CACNA2D2: variants seen among roughly 807,000 people sequenced by gnomAD.
CACNA2D2 encodes the protein calcium voltage-gated channel auxiliary subunit alpha2delta 2.
Under a neutral mutation model 166.4 loss-of-function variants are expected in CACNA2D2, and 48 were observed. The observed-to-expected ratio is 0.29, with a 90% CI of 0.23 to 0.37. The LOEUF is 0.37. Among genes scored for constraint, CACNA2D2 ranks in the 10% least tolerant of loss-of-function variants. The probability of loss-of-function intolerance (pLI) is 1.00; values close to 1 mark genes in which losing one functional copy is unlikely to be tolerated. For missense variants in CACNA2D2, 1,122 were observed against 1,433.0 expected (o/e 0.78, Z 3.50); for synonymous variants, 561 against 573.7 (o/e 0.98, Z 0.32).
intron 5 of CACNA2D2, among the ~76,000 whole-genome samples, chr3:50,384,980 A>G (rs893888036): frequency 2.0e-5 from 3 of 152,232 alleles, no homozygotes; most frequent in Admixed American, 2.0e-4. Context: ...GCCTGGTAGC[A>G]GTAGGACTGA....
intron 1 of CACNA2D2, among the ~76,000 whole-genome samples, chr3:50,482,085 G>T (rs375689738): frequency 1.2e-4 from 18 of 152,190 alleles, no homozygotes; most frequent in African/African-American, 4.3e-4. Flanking sequence ...CAGCACCTCT[G>T]CAGTCTTCTG....
intron 3 of CACNA2D2, among the ~76,000 whole-genome samples, chr3:50,401,847 C>T (rs1162655847): frequency 6.6e-6 from 1 of 152,008 alleles, no homozygotes; most frequent in East Asian, 1.9e-4. Context: ...TAGCTACAGG[C>T]GCCCACCACC....
At chr3:50,422,309 G>A (rs1290145352) in intron 3 of CACNA2D2, among the ~76,000 whole-genome samples, 3 of 152,068 alleles carry the variant, frequency 2.0e-5, no homozygotes, top group Non-Finnish European at 2.9e-5. Flanking sequence ...GCTGGAGGCC[G>A]CCCTGGATTC....
intron 4 of CACNA2D2, among the ~76,000 whole-genome samples, chr3:50,391,449 T>A (rs891268281): frequency 9.2e-5 from 14 of 152,202 alleles, no homozygotes; most frequent in Non-Finnish European, 1.5e-5. Flanking sequence ...CCCCTCTTCA[T>A]CTATCCTAAG....
chr3:50,500,415 G>GGGCACAGAGGCCC (rs1366000676), intron 1 of CACNA2D2, among the ~76,000 whole-genome samples: 2 of 152,158 alleles, frequency 1.3e-5, no homozygotes, highest in African/African-American at 4.8e-5. Flanking sequence ...CTGGAGAACA[G>GGGCACAGAGGCCC]GGCACAGAGG....
chr3:50,368,223 C>T lies in CACNA2D2; in HGVS notation c.2058G>A (p.Lys686=). 1 of 1,610,510 alleles carries T rather than the reference C, an allele frequency of 6.2e-7. No individual in the cohort carries two copies. Among genetic ancestry groups the T allele is most frequent in the Non-Finnish European group, 8.5e-7 (1 of 1,176,814 alleles). The part of the protein sequence containing the change: ...HVFIAPREYC[K]DLNASDNNTE... ...TGTTGTTGTCTGAGGCATTCAGGTC[C>T]TTGCAGTACTCTCTAGGGATGGGGA... The change falls in exon 24 of 38, where the codon AAG becomes AAA. Residue 686 remains lysine (K), a synonymous_variant. Coordinates refer to ENST00000424201, the MANE Select transcript of CACNA2D2 (RefSeq NM_006030.4).
In CACNA2D2 at chr3:50,491,721, G is replaced by A. The variant is rs143561875; in HGVS notation, c.206+11497C>T. Among the ~76,000 whole-genome samples, 178 of 152,322 alleles carry A rather than the reference G, an allele frequency of 1.2e-3. 1 individual carries two copies. The highest frequency in any genetic ancestry group is 3.9e-3 in the African/African-American group (161 of 41,576). On this transcript the variant is annotated intron_variant, in intron 1 of 37. Coordinates refer to ENST00000424201, the MANE Select transcript of CACNA2D2 (RefSeq NM_006030.4). ...CCGGATCAGGGGAGGACTATCAGTC[G>A]GGGGACTCACAGCCGTGGCCTGTAG...
chr3:50,498,317 A>G (rs1304329507), intron 1 of CACNA2D2, among the ~76,000 whole-genome samples: 1 of 151,866 alleles, frequency 6.6e-6, no homozygotes, highest in African/African-American at 2.4e-5. Flanking sequence ...CCCAGCATCT[A>G]TAAGATCCTA....
At chr3:50,463,505 T>A (rs371380979) in intron 2 of CACNA2D2, among the ~76,000 whole-genome samples, 1 of 152,122 alleles carries the variant, frequency 6.6e-6, no homozygotes, top group Non-Finnish European at 1.5e-5. Flanking sequence ...GCCATGTTGT[T>A]CAGGCTGGTC....
intron 22 of CACNA2D2, among the ~76,000 whole-genome samples, chr3:50,372,845 G>A (rs933737090): frequency 1.3e-4 from 20 of 152,202 alleles, no homozygotes; most frequent in African/African-American, 4.6e-4. Flanking sequence ...AGAACACGCC[G>A]GAGAACACCC....
Position 50,365,253 on chromosome 3 carries a change from C to T in CACNA2D2, c.3099-69G>A. On this transcript the variant is annotated intron_variant, in intron 35 of 37. Transcript: ENST00000424201. The surrounding 1 kb of genome is among the most constrained non-coding windows in gnomAD (Gnocchi z 4.5). Reference sequence around the variant, plus strand: ...CTGACCCACCCCCATCCTGCGGCCCCGCCCCCGGCCGCTCGGAGGCCCCGC... The same window carrying T: ...CTGACCCACCCCCATCCTGCGGCCCTGCCCCCGGCCGCTCGGAGGCCCCGC... The T allele has an allele frequency of 6.4e-7, 1 of 1,566,486 alleles. No individual in the cohort carries two copies. The highest frequency in any genetic ancestry group is 1.9e-5 in the Admixed American group (1 of 52,336).
intron 22 of CACNA2D2, among the ~76,000 whole-genome samples, chr3:50,370,589 G>A (rs368403850): frequency 1.3e-5 from 2 of 152,072 alleles, no homozygotes; most frequent in Non-Finnish European, 2.9e-5. Flanking sequence ...CTACAGCATC[G>A]CAGGAGGAGG....
intron 3 of CACNA2D2, among the ~76,000 whole-genome samples, chr3:50,433,216 G>T (rs149300821): frequency 6.6e-6 from 1 of 152,236 alleles, no homozygotes; most frequent in East Asian, 1.9e-4. Flanking sequence ...CTATGGATTT[G>T]CCTATTCTGG....
At chr3:50,481,455 C>T (rs929074086) in intron 1 of CACNA2D2, among the ~76,000 whole-genome samples, 15 of 152,114 alleles carry the variant, frequency 9.9e-5, no homozygotes, top group Admixed American at 2.0e-4. Context: ...GCAGTTCAGC[C>T]GCTGCGCTTC....
Position 50,365,529 on chromosome 3 carries a change from G to C in CACNA2D2, c.2972-47C>G. 1 of 1,605,004 alleles carries C rather than the reference G, an allele frequency of 6.2e-7. No individual in the cohort carries two copies. Among genetic ancestry groups the C allele is most frequent in the Non-Finnish European group, 8.5e-7 (1 of 1,175,790 alleles). The stretch of plus-strand genomic sequence containing the variant: ...CAGCTCCGCCCACAGACCCTGGCAA[G>C]GTCTCCGGCCTCCCTCAGTCGTAGA... On this transcript the variant is annotated intron_variant, in intron 34 of 37. Coordinates refer to ENST00000424201, the MANE Select transcript of CACNA2D2 (RefSeq NM_006030.4). The surrounding 1 kb of genome is among the most constrained non-coding windows in gnomAD (Gnocchi z 4.5).
At chr3:50,441,853 G>T (rs1416123837) in intron 2 of CACNA2D2, among the ~76,000 whole-genome samples, 2 of 152,238 alleles carry the variant, frequency 1.3e-5, no homozygotes, top group Non-Finnish European at 2.9e-5. Flanking sequence ...GATGGCTTCT[G>T]TGAACAGGGT....
chr3:50,495,308 T>C (rs1038034342), intron 1 of CACNA2D2, among the ~76,000 whole-genome samples: 6 of 152,094 alleles, frequency 3.9e-5, no homozygotes, highest in African/African-American at 1.4e-4. Context: ...TCCTGGCCTG[T>C]AGGCTCCTGA....
At chr3:50,496,717 A>C (rs1439183400) in intron 1 of CACNA2D2, among the ~76,000 whole-genome samples, 1 of 152,212 alleles carries the variant, frequency 6.6e-6, no homozygotes, top group Non-Finnish European at 1.5e-5. Flanking sequence ...CAGCCACGGA[A>C]GCCCTGTTTT....
chr3:50,386,819 A>G (rs1450900643), intron 5 of CACNA2D2, among the ~76,000 whole-genome samples: 3 of 152,192 alleles, frequency 2.0e-5, no homozygotes, highest in Non-Finnish European at 4.4e-5. Flanking sequence ...TGTTGGGTCC[A>G]ACTACTTTTG....
Sources: gnomAD v4.1 joint callset for allele counts (sites outside exome capture counted in the v4.1 genomes callset) on GRCh38, gnomAD v4.1.1 for gene constraint, Gnocchi (gnomAD v3.1) non-coding constraint, MANE v1.5 for transcripts, NCBI Gene and HGNC (gene_info 2026-07-23, HGNC 2026-07-21) for gene names.